The following P4HA1 variants were observed in gnomAD, a reference collection of about 807,000 sequenced individuals.
P4HA1 encodes the protein prolyl 4-hydroxylase subunit alpha 1.
P4HA1 carries 24 observed loss-of-function variants against 72.8 expected under a neutral mutation model. That is an observed-to-expected ratio of 0.33 (90% confidence interval 0.24 to 0.46). P4HA1 has a LOEUF of 0.46. Ranked by LOEUF, P4HA1 falls within the 20% of genes least tolerant of loss-of-function variation. P4HA1 has a pLI of 1.00. For missense variants in P4HA1, 446 were observed against 640.6 expected (o/e 0.70, Z 3.28); for synonymous variants, 201 against 218.8 (o/e 0.92, Z 0.72).
intron 4 of P4HA1, among the ~76,000 whole-genome samples, chr10:73,071,523 T>A (rs1489813804): frequency 6.6e-6 from 1 of 152,128 alleles, no homozygotes; most frequent in African/African-American, 2.4e-5. Flanking sequence ...GTTATTAAAG[T>A]ATCTAAAACA....
chr10:73,045,853 T>A (rs1252504364), intron 8 of P4HA1, among the ~76,000 whole-genome samples: 3 of 149,998 alleles, frequency 2.0e-5, no homozygotes, highest in Admixed American at 2.0e-4. Context: ...GTCTTTTGCA[T>A]TTATAATGTA....
intron 4 of P4HA1, among the ~76,000 whole-genome samples, chr10:73,069,575 G>C (rs1434891743): frequency 6.6e-6 from 1 of 151,998 alleles, no homozygotes; most frequent in Non-Finnish European, 1.5e-5. Flanking sequence ...CAAACATGAC[G>C]TTGATCAACC....
intron 7 of P4HA1, among the ~76,000 whole-genome samples, chr10:73,048,344 G>A (rs1282931722): frequency 1.3e-5 from 2 of 152,080 alleles, no homozygotes; most frequent in Admixed American, 1.3e-4. Flanking sequence ...GCTCACTGCA[G>A]CCTCTGCCTC....
chr10:73,037,446 G>A (rs190536505), intron 9 of P4HA1, among the ~76,000 whole-genome samples: 89 of 139,430 alleles, frequency 6.4e-4, no homozygotes, highest in African/African-American at 2.3e-3. Context: ...TGTCAGTAAT[G>A]TAATTTGAAC....
intron 10 of P4HA1, among the ~76,000 whole-genome samples, chr10:73,028,307 AACACACACACACACACACACACAC>A (rs10561551): frequency 2.1e-5 from 3 of 143,672 alleles, no homozygotes; most frequent in East Asian, 2.0e-4. Context: ...GTCACTGTAA[AACACACACACACACACACACACAC>A]ACACACACAC....
intron 5 of P4HA1, among the ~76,000 whole-genome samples, chr10:73,067,767 C>A (rs183385122): frequency 6.6e-6 from 1 of 152,258 alleles, no homozygotes; most frequent in East Asian, 1.9e-4. Flanking sequence ...TCTTCCTTTA[C>A]ATCCCTTATG....
intron 10 of P4HA1, among the ~76,000 whole-genome samples, chr10:73,027,023 T>C (rs1418416442): frequency 6.6e-6 from 1 of 152,198 alleles, no homozygotes; most frequent in Non-Finnish European, 1.5e-5. Flanking sequence ...GTTCAGCCAT[T>C]GTGGAAGACA....
In P4HA1 at chr10:73,021,690, G is replaced by A. The variant is rs577046102; in HGVS notation, c.1249-4791C>T. Among the ~76,000 whole-genome samples the A allele has an allele frequency of 2.7e-4, 41 of 152,320 alleles. No homozygotes were observed. In the South Asian group the frequency reaches 4.8e-3, roughly 18 times the overall value. Reference sequence around the variant, plus strand: ...ATGAGCCAAAGCAGGGCGGGGCATCGCCTCACCCAGGAAGCACAAGGAGTC... The same window carrying A: ...ATGAGCCAAAGCAGGGCGGGGCATCACCTCACCCAGGAAGCACAAGGAGTC... On this transcript the variant is annotated intron_variant, in intron 10 of 14. Transcript: ENST00000394890.
chr10:73,077,554 C>T (rs562014106), intron 1 of P4HA1, among the ~76,000 whole-genome samples: 1 of 152,128 alleles, frequency 6.6e-6, no homozygotes, highest in African/African-American at 2.4e-5. Flanking sequence ...GAATAAATAT[C>T]TTTACCTTAC....
chr10:73,012,510 T>G (rs929398424), intron 12 of P4HA1, among the ~76,000 whole-genome samples: 2 of 152,174 alleles, frequency 1.3e-5, no homozygotes, highest in Non-Finnish European at 2.9e-5. Context: ...ATCTTTGTAA[T>G]GTACCTTACC....
chr10:73,042,095 T>C (rs933801948), intron 9 of P4HA1, among the ~76,000 whole-genome samples: 1 of 152,160 alleles, frequency 6.6e-6, no homozygotes, highest in African/African-American at 2.4e-5. Context: ...TCTTGTCAAG[T>C]AAATTTTGTA....
At chr10:73,014,435 A>C in intron 11 of P4HA1, 146 bp from the exon 12 acceptor site, 1 of 621,402 alleles carries the variant, frequency 1.6e-6, no homozygotes, top group Admixed American at 2.8e-5. Flanking sequence ...AGTGCACTAT[A>C]AACATCAGGC....
chr10:73,037,563 AT>A (rs1840622145), intron 9 of P4HA1, among the ~76,000 whole-genome samples: 1 of 32,554 alleles, frequency 3.1e-5, no homozygotes, highest in Non-Finnish European at 5.3e-5. Flanking sequence ...ATATATATAT[AT>A]ATATATATTT....
At chr10:73,087,964 A>G (rs1841956905) in intron 1 of P4HA1, among the ~76,000 whole-genome samples, 2 of 152,202 alleles carry the variant, frequency 1.3e-5, no homozygotes, top group Admixed American at 6.5e-5. Flanking sequence ...TCTTGGCATC[A>G]TGTCCAAGAA....
chr10:73,093,907 T>TATATATATATAC (rs1256283876), intron 1 of P4HA1, among the ~76,000 whole-genome samples: 48 of 55,596 alleles, frequency 8.6e-4, no homozygotes, highest in Non-Finnish European at 1.0e-3. Flanking sequence ...TATATATATA[T>TATATATATATAC]ACACACACAC....
intron 14 of P4HA1, 77 bp downstream of exon 14, chr10:73,009,724 CTTTTGT>C: frequency 4.1e-6 from 3 of 737,494 alleles, no homozygotes; most frequent in South Asian, 1.7e-5. Flanking sequence ...AACATGGGGG[CTTTTGT>C]TTTTAAGACA....
intron 1 of P4HA1, among the ~76,000 whole-genome samples, chr10:73,092,639 T>C (rs1319266765): frequency 6.7e-6 from 1 of 149,670 alleles, no homozygotes. Context: ...ATTACAGGTG[T>C]GAGCCACCAT....
chr10:73,057,355 TG>T, intron 5 of P4HA1, among the ~76,000 whole-genome samples: 1 of 152,124 alleles, frequency 6.6e-6, no homozygotes, highest in Non-Finnish European at 1.5e-5. Context: ...CCGGGCGTGG[TG>T]GTGGGTGCTT....
At chr10:73,046,838 C>T (rs1434113821) in intron 8 of P4HA1, 87 bp downstream of exon 8, 7 of 963,942 alleles carry the variant, frequency 7.3e-6, no homozygotes, top group East Asian at 4.8e-5. Context: ...TGGCATTATT[C>T]GTATATCAAT....
Sources: gnomAD v4.1 joint callset for allele counts (sites outside exome capture counted in the v4.1 genomes callset) on GRCh38, gnomAD v4.1.1 for gene constraint, MANE v1.5 for transcripts, NCBI Gene and HGNC (gene_info 2026-07-23, HGNC 2026-07-21) for gene names.